PDE4DIP: variants seen among roughly 807,000 people sequenced by gnomAD.
PDE4DIP encodes the protein myomegalin.
Under a neutral mutation model 221.4 loss-of-function variants are expected in PDE4DIP, and 59 were observed. That is an observed-to-expected ratio of 0.27 (90% confidence interval 0.22 to 0.33). The LOEUF is 0.33. PDE4DIP is among the 10% of genes least tolerant of loss of function. The pLI, the probability that PDE4DIP is intolerant of heterozygous loss-of-function variation, is 1.00. For missense variants in PDE4DIP, 1,036 were observed against 2,154.2 expected (o/e 0.48, Z 10.28); for synonymous variants, 404 against 815.9 (o/e 0.50, Z 8.60).
At chr1:148,963,318 G>C (rs1185017716) in intron 9 of PDE4DIP, among the ~76,000 whole-genome samples, 2 of 152,168 alleles carry the variant, frequency 1.3e-5, no homozygotes, top group Admixed American at 6.6e-5. Flanking sequence ...GCATCCACTG[G>C]GCGTCTTAGA....
chr1:148,862,330 T>A (rs1455532865), intron 1 of PDE4DIP, among the ~76,000 whole-genome samples: 1 of 149,586 alleles, frequency 6.7e-6, no homozygotes, highest in Non-Finnish European at 1.5e-5. Context: ...AAAGCACTTG[T>A]CAAGCATGGG....
intron 17 of PDE4DIP, among the ~76,000 whole-genome samples, chr1:148,975,721 A>G (rs1268238483): frequency 1.3e-5 from 2 of 152,048 alleles, no homozygotes; most frequent in Non-Finnish European, 2.9e-5. Context: ...CACAGCTCAG[A>G]GTTACAGACT....
chr1:148,939,610 G>GAATACAAATTGAAGT (rs1553478096), intron 5 of PDE4DIP: 1 of 151,282 alleles, frequency 6.6e-6, no homozygotes, highest in Non-Finnish European at 1.5e-5. Context: ...TTACAAGTAT[G>GAATACAAATTGAAGT]AATACAAATT....
At position 148,953,503 on chromosome 1, in the gene PDE4DIP, T is replaced by C. The variant is rs1553496484; in HGVS notation, c.637-7151T>C. On this transcript the variant is annotated intron_variant, in intron 5 of 43. Transcript: ENST00000369354. ...TGGAGGAAGAGACGCCTGGTTCCTC[T>C]GTGGAATCTTTGGATGCAAGCGTCC... is the stretch of plus-strand genomic sequence containing the variant. 1.9e-6 allele frequency: 3 copies of C among 1,613,258 alleles called. No homozygotes were observed. In the African/African-American group the frequency reaches 4.0e-5, roughly 22 times the overall value.
rs2075899595 is a variant in PDE4DIP, at chr1:149,028,756, T to G, written c.6813+53T>G. On this transcript the variant is annotated intron_variant, in intron 41 of 43. Transcript: ENST00000369354. ...CAAACCCAGTTCTCCTGCCCTCCAA[T>G]ACTGTTCTGTCTCCTCAATGTCACA... 4.9e-6 allele frequency: 5 copies of G among 1,025,168 alleles called. No individual in the cohort carries two copies. The African/African-American group carries it at 8.0e-5, about 16-fold the overall frequency. The allele number at this position is 1,025,168 out of a possible 1,614,324, so 63.5% of individuals were successfully genotyped here.
At chr1:149,017,775 G>C in exon 34 of PDE4DIP, 2 of 1,606,498 alleles carry the variant, frequency 1.2e-6, no homozygotes, top group Non-Finnish European at 1.7e-6. Flanking sequence ...GAGCATCTTG[G>C]TGAAATCCGG....
rs1236566353 is a variant in PDE4DIP, at chr1:148,910,817, C to T, written c.142-18380C>T. Among the ~76,000 whole-genome samples the T allele has an allele frequency of 4.8e-5, 5 of 103,348 alleles. 2 individuals are homozygous for T. The highest frequency in any genetic ancestry group is 9.4e-5 in the Non-Finnish European group (5 of 53,386). The allele number at this position is 103,348 out of a possible 152,430, so 67.8% of individuals were successfully genotyped here. A position where few individuals can be genotyped will look rare whatever the true frequency, so the allele number is the denominator to read the frequency against. ...AAGGTTGTAGAGAAAAGTGCTTATA[C>T]GCTGTTGGTGAGAAGGTAAATTAGT... On this transcript the variant is annotated intron_variant, in intron 1 of 43. Transcript: ENST00000369354.
intron 2 of PDE4DIP, chr1:148,866,598 A>AGGG (rs1686832372): frequency 2.6e-5 from 1 of 39,112 alleles, no homozygotes; most frequent in African/African-American, 1.3e-4. Context: ...GGAAGGAAGG[A>AGGG]AGGAAGGAAG....
At chr1:148,875,898 C>T (rs1691063259) in intron 3 of PDE4DIP, among the ~76,000 whole-genome samples, 1 of 152,292 alleles carries the variant, frequency 6.6e-6, no homozygotes, top group South Asian at 2.1e-4. Context: ...TGCACTCCAG[C>T]CTGGGCGACA....
chr1:149,021,277 C>T (rs1471609891), intron 37 of PDE4DIP, 124 bp downstream of exon 40: 2 of 749,040 alleles, frequency 2.7e-6, no homozygotes, highest in Non-Finnish European at 4.4e-6. Context: ...GAAACCCCCA[C>T]CCGAGCCTGG....
intron 17 of PDE4DIP, among the ~76,000 whole-genome samples, chr1:148,975,229 G>A (rs1273619704): frequency 6.8e-6 from 1 of 147,870 alleles, no homozygotes; most frequent in Non-Finnish European, 1.5e-5. Context: ...AGGAAGCGCT[G>A]TGTGATTGCT....
intron 2 of PDE4DIP, chr1:148,930,209 A>G (rs2047575748): frequency 6.6e-6 from 1 of 152,146 alleles, no homozygotes; most frequent in Non-Finnish European, 1.5e-5. Context: ...ACAAAAATTA[A>G]TGTACAAAAA....
exon 38 of PDE4DIP, chr1:149,024,514 G>A (rs2798851): frequency 2.6e-5 from 25 of 956,940 alleles, no homozygotes; most frequent in South Asian, 1.5e-4. Context: ...GCAGAGGTAC[G>A]AGCTCTGAGA....
rs71976961 is a variant in PDE4DIP, at chr1:149,000,553, C to CAA, written c.3138-1027_3138-1026dup. 3.3e-4 allele frequency among the ~76,000 whole-genome samples: 43 copies of CAA among 129,674 alleles called. No individual in the cohort carries two copies. The Middle Eastern group carries it at 0.017, about 51-fold the overall frequency. 85.1% of individuals were successfully genotyped at this position (129,674 alleles called of 152,430 possible). A position where few individuals can be genotyped will look rare whatever the true frequency, so the allele number is the denominator to read the frequency against. On this transcript the variant is annotated intron_variant, in intron 23 of 43. Transcript: ENST00000369354. ...TGGGTGACAGAGTGAGACTCTGTCT[C>CAA]AAAAAAAAAAAATAAATAAATAAAA... is the stretch of plus-strand genomic sequence containing the variant.
intron 24 of PDE4DIP, among the ~76,000 whole-genome samples, chr1:149,002,588 T>G (rs1158366837): frequency 6.6e-6 from 1 of 151,944 alleles, no homozygotes; most frequent in Non-Finnish European, 1.5e-5. Flanking sequence ...AGTGGTCTCT[T>G]TTTGACCACT....
chr1:148,981,968 A>G (rs183874236), intron 21 of PDE4DIP: 373 of 156,402 alleles, frequency 2.4e-3, no homozygotes, highest in South Asian at 0.01. Context: ...TATAATCCTT[A>G]TCAGAAGGTA....
At chr1:148,980,487 G>A (rs1447624089) in intron 20 of PDE4DIP, among the ~76,000 whole-genome samples, 1 of 152,076 alleles carries the variant, frequency 6.6e-6, no homozygotes, top group East Asian at 1.9e-4. Context: ...ATATCATCCT[G>A]GGACCACCAA....
chr1:148,837,740 G>C (rs1260029444), intron 1 of PDE4DIP, among the ~76,000 whole-genome samples: 2 of 124,310 alleles, frequency 1.6e-5, no homozygotes, highest in Non-Finnish European at 3.4e-5. Context: ...GAGGCTCCTG[G>C]CACTCAGCTC....
At chr1:148,843,627 C>T (rs1309375257) in intron 1 of PDE4DIP, among the ~76,000 whole-genome samples, 2 of 62,222 alleles carry the variant, frequency 3.2e-5, no homozygotes, top group African/African-American at 1.5e-4. Flanking sequence ...TAAAAAGGAG[C>T]TTCAGGGTGG....
Sources: allele counts gnomAD v4.1 joint callset (sites outside exome capture counted in the v4.1 genomes callset), GRCh38; gene constraint gnomAD v4.1.1; transcripts MANE v1.5; gene names NCBI Gene and HGNC (gene_info 2026-07-23, HGNC 2026-07-21).